EIF5: variants seen among roughly 807,000 people sequenced by gnomAD.
EIF5 encodes the protein eukaryotic translation initiation factor 5.
A neutral mutation model predicts 48.3 loss-of-function variants in EIF5; 10 were observed. The observed-to-expected ratio is 0.21, with a 90% confidence interval of 0.13 to 0.35. The LOEUF is 0.35. EIF5 is among the 10% of genes least tolerant of loss of function. The pLI is 1.00. For synonymous variants in EIF5, 237 were observed against 173.1 expected, an observed-to-expected ratio of 1.37 and a Z score of -2.90; for missense variants, 397 against 533.2, an observed-to-expected ratio of 0.74 and a Z score of 2.51.
In EIF5 at chr14:103,336,007, T is replaced by G. The variant is rs1334018043; in HGVS notation, c.73-29T>G. 5.0e-6 allele frequency: 8 copies of G among 1,614,018 alleles called. No individual in the cohort carries two copies. The South Asian group carries it at 7.7e-5, about 16-fold the overall frequency. ...GAAGTTTGCATTTGTCAGGGGAAAC[T>G]GCACAACTAAAATTCTTATTTCCTT... is the stretch of plus-strand genomic sequence containing the variant. On this transcript the variant is annotated intron_variant, in intron 3 of 11. Coordinates refer to ENST00000216554, the MANE Select transcript of EIF5 (RefSeq NM_001969.5).
chr14:103,342,344 CAA>C lies in EIF5; in HGVS notation c.*1293_*1294del, dbSNP rs1236303996. On this transcript the variant is annotated 3_prime_UTR_variant, in exon 12 of 12. Coordinates refer to ENST00000216554, the MANE Select transcript of EIF5 (RefSeq NM_001969.5). Reference sequence around the variant, plus strand: ...ATGCAGGGCTTTAGATTTGGACACACAAGAGTTGATAACTTCCTCATGAACTC... The same window carrying C: ...ATGCAGGGCTTTAGATTTGGACACACGAGTTGATAACTTCCTCATGAACTC... The C allele has an allele frequency of 8.5e-5, 13 of 152,262 alleles. No individual in the cohort carries two copies. The East Asian group carries it at 1.7e-3, about 20-fold the overall frequency. 9.4% of individuals were successfully genotyped at this position (152,262 alleles called of 1,614,324 possible). A position where few individuals can be genotyped will look rare whatever the true frequency, so the allele number is the denominator to read the frequency against.
At chr14:103,336,314 G>T (rs2089285352) in intron 4 of EIF5, 197 bp downstream of exon 4, 1 of 648,446 alleles carries the variant, frequency 1.5e-6, no homozygotes, top group Non-Finnish European at 2.6e-6. Context: ...GGGCGCGTTG[G>T]CTCACACCTG....
At position 103,341,799 on chromosome 14, in the gene EIF5, A is replaced by T. The variant is rs1236668156; in HGVS notation, c.*747A>T. 6.6e-6 allele frequency: 1 copy of T among 152,618 alleles called. No homozygotes were observed. The highest frequency in any genetic ancestry group is 2.4e-5 in the African/African-American group (1 of 41,458). 9.5% of individuals were successfully genotyped at this position (152,618 alleles called of 1,614,324 possible). On this transcript the variant is annotated 3_prime_UTR_variant, in exon 12 of 12. Transcript: ENST00000216554. ...ATGAGCCAGGGAAATTATTACATTA[A>T]CAAGCATTTTGTGTGTACGTAGTAG...
chr14:103,334,756 C>T (rs2089262720), intron 2 of EIF5, 159 bp downstream of exon 2: 1 of 148,336 alleles, frequency 6.7e-6, no homozygotes, highest in African/African-American at 2.4e-5. Context: ...CCCGGCCCGG[C>T]CTCGCCCCCT....
At chr14:103,339,099 A>G (rs2089323335) in intron 8 of EIF5, 73 bp from the exon 9 acceptor site, 2 of 1,535,286 alleles carry the variant, frequency 1.3e-6, no homozygotes, top group Non-Finnish European at 1.8e-6. Flanking sequence ...TCATCAGAGC[A>G]GGGACTGGCT....
Position 103,342,131 on chromosome 14 carries a change from TTTCC to T in EIF5, c.*1082_*1085del, listed in dbSNP as rs1026429536. 1 of 152,670 alleles carries T rather than the reference TTTCC, an allele frequency of 6.6e-6. No homozygotes were observed. The highest frequency in any genetic ancestry group is 2.4e-5 in the African/African-American group (1 of 41,464). 9.5% of individuals were successfully genotyped at this position (152,670 alleles called of 1,614,324 possible). A position where few individuals can be genotyped will look rare whatever the true frequency, so the allele number is the denominator to read the frequency against. On this transcript the variant is annotated 3_prime_UTR_variant, in exon 12 of 12. Transcript: ENST00000216554. The stretch of plus-strand genomic sequence containing the variant: ...TAACTGTGTTTCAAACTTGATTTTC[TTTCC>T]TTTTTCTTTTTTTTTTCTTCCAGAA...
In EIF5 at chr14:103,336,674, T is replaced by C. The variant is rs752085874; in HGVS notation, c.155-3T>C. The C allele has an allele frequency of 3.9e-5, 63 of 1,604,962 alleles. No individual in the cohort carries two copies. The highest frequency in any genetic ancestry group is 4.2e-5 in the Non-Finnish European group (50 of 1,176,622). On this transcript the variant is annotated splice_region_variant and splice_polypyrimidine_tract_variant and intron_variant, in intron 4 of 11. Transcript: ENST00000216554. The stretch of plus-strand genomic sequence containing the variant: ...GATCCAAACTCCTTTTTCATTCAAA[T>C]AGATCCCACCAAATATTTTGGTTGT...
rs1211774403 is a variant in EIF5, at chr14:103,341,057, A to G, written c.*5A>G. The G allele has an allele frequency of 2.5e-6, 4 of 1,613,910 alleles. No homozygotes were observed. The highest frequency in any genetic ancestry group is 3.4e-6 in the Non-Finnish European group (4 of 1,179,796). On this transcript the variant is annotated 3_prime_UTR_variant, in exon 12 of 12. Coordinates refer to ENST00000216554, the MANE Select transcript of EIF5 (RefSeq NM_001969.5). ...ATCGATATTGATGCCATTTAAAGGGATGGATGCAACCTAGCTTAACAGTAT... is the reference window on the plus strand; with the variant it reads ...ATCGATATTGATGCCATTTAAAGGGGTGGATGCAACCTAGCTTAACAGTAT...
chr14:103,336,446 T>A, intron 4 of EIF5: 1 of 561,670 alleles, frequency 1.8e-6, no homozygotes, highest in Non-Finnish European at 3.1e-6. Context: ...CCAGGCGTGG[T>A]GGCATGCGCT....
Position 103,334,540 on chromosome 14 carries a change from A to G in EIF5, c.-266A>G, listed in dbSNP as rs1370831670. Reference sequence around the variant, plus strand: ...CGGACTCGGGTTTATATCGCGCCTCACTTCATCCCAGTCCCGGGCGAGCAG... The same window carrying G: ...CGGACTCGGGTTTATATCGCGCCTCGCTTCATCCCAGTCCCGGGCGAGCAG... On this transcript the variant is annotated 5_prime_UTR_variant, in exon 2 of 12. Transcript: ENST00000216554. 1 of 151,358 alleles carries G rather than the reference A, an allele frequency of 6.6e-6. No individual in the cohort carries two copies. The highest frequency in any genetic ancestry group is 1.5e-5 in the Non-Finnish European group (1 of 67,776). The allele number at this position is 151,358 out of a possible 1,614,324, so 9.4% of individuals were successfully genotyped here.
chr14:103,337,496 G>C (rs544419433), intron 6 of EIF5: 2 of 433,870 alleles, frequency 4.6e-6, no homozygotes, highest in African/African-American at 4.1e-5. Flanking sequence ...CAGCTACTCC[G>C]GTAGCTGAGG....
rs1165816840 is a variant in EIF5 at position 103,342,862 on chromosome 14, G to A, written c.*1810G>A. The A allele has an allele frequency of 6.6e-6, 1 of 152,598 alleles. No homozygotes were observed. Among genetic ancestry groups the A allele is most frequent in the Non-Finnish European group, 1.5e-5 (1 of 68,040 alleles). The allele number at this position is 152,598 out of a possible 1,614,324, so 9.5% of individuals were successfully genotyped here. A position where few individuals can be genotyped will look rare whatever the true frequency, so the allele number is the denominator to read the frequency against. ...ATCTGCTTTCATTAACTGGAATTCT[G>A]TAGGAGATACTGGTGACCTAAGCTA... On this transcript the variant is annotated 3_prime_UTR_variant, in exon 12 of 12. Coordinates refer to ENST00000216554, the MANE Select transcript of EIF5 (RefSeq NM_001969.5).
In EIF5 at chr14:103,343,402, C is replaced by G. The variant is rs575480422; in HGVS notation, c.*2350C>G. Reference sequence around the variant, plus strand: ...CTGCCTCAGTTTTATTACTTGAAATCTTGGCAGGTGCTTAATAGGGAACAT... The same window carrying G: ...CTGCCTCAGTTTTATTACTTGAAATGTTGGCAGGTGCTTAATAGGGAACAT... On this transcript the variant is annotated 3_prime_UTR_variant, in exon 12 of 12. Transcript: ENST00000216554. The G allele has an allele frequency of 2.0e-5, 3 of 152,276 alleles. No homozygotes were observed. The highest frequency in any genetic ancestry group is 3.9e-4 in the East Asian group (2 of 5,192). 9.4% of individuals were successfully genotyped at this position (152,276 alleles called of 1,614,324 possible).
intron 11 of EIF5, 63 bp from the exon 12 acceptor site, chr14:103,340,900 C>A: frequency 6.5e-7 from 1 of 1,530,782 alleles, no homozygotes; most frequent in Non-Finnish European, 9.0e-7. Context: ...CCACAATTTA[C>A]ATTGATTTGT....
intron 8 of EIF5, 88 bp from the exon 9 acceptor site, chr14:103,339,084 T>TA: frequency 1.3e-6 from 2 of 1,509,770 alleles, no homozygotes; most frequent in Non-Finnish European, 1.8e-6. Flanking sequence ...GCAGGAAAAA[T>TA]ATGTTCATCA....
intron 2 of EIF5, chr14:103,335,134 C>G (rs539137637): frequency 7.9e-5 from 12 of 152,478 alleles, no homozygotes; most frequent in African/African-American, 2.9e-4. Context: ...CGCTCTCTTG[C>G]TTAATGGCAA....
At position 103,335,684 on chromosome 14, in the gene EIF5, G is replaced by C. The variant is rs1471393968; in HGVS notation, c.-177G>C. ...TGCGCAGCCATTGGTACCTGTATTG[G>C]GGAAACATAGCATACAAGCAAGAAG... On this transcript the variant is annotated 5_prime_UTR_variant, in exon 3 of 12. Coordinates refer to ENST00000216554, the MANE Select transcript of EIF5 (RefSeq NM_001969.5). The C allele has an allele frequency of 1.6e-6, 1 of 627,942 alleles. No individual in the cohort carries two copies. Among genetic ancestry groups the C allele is most frequent in the African/African-American group, 1.8e-5 (1 of 54,208 alleles). The allele number at this position is 627,942 out of a possible 1,614,324, so 38.9% of individuals were successfully genotyped here.
rs1222071950 is a variant in EIF5 at position 103,345,018 on chromosome 14, C to T, written c.*3966C>T. On this transcript the variant is annotated 3_prime_UTR_variant, in exon 12 of 12. Transcript: ENST00000216554. ...GATTTTAATAAAGTGTGAAAGTTGT[C>T]AATCAAAGCGGAGTCACTTGTGTTC... 6.6e-6 allele frequency: 1 copy of T among 152,150 alleles called. No homozygotes were observed. Among genetic ancestry groups the T allele is most frequent in the Non-Finnish European group, 1.5e-5 (1 of 68,016 alleles). 9.4% of individuals were successfully genotyped at this position (152,150 alleles called of 1,614,324 possible).
Position 103,335,823 on chromosome 14 carries a change from T to A in EIF5, c.-38T>A. 6.2e-7 allele frequency: 1 copy of A among 1,609,822 alleles called. No homozygotes were observed. The highest frequency in any genetic ancestry group is 8.5e-7 in the Non-Finnish European group (1 of 1,176,322). ...GATACCAAAAAGTTGCAATCAAAGA[T>A]CTCTTCATCTTATTGATAAAGCCAC... is the stretch of plus-strand genomic sequence containing the variant. On this transcript the variant is annotated 5_prime_UTR_variant, in exon 3 of 12. Coordinates refer to ENST00000216554, the MANE Select transcript of EIF5 (RefSeq NM_001969.5).
Sources: gnomAD v4.1 joint callset for allele counts on GRCh38, gnomAD v4.1.1 for gene constraint, MANE v1.5 for transcripts, NCBI Gene and HGNC (gene_info 2026-07-23, HGNC 2026-07-21) for gene names.